Variants in AIG1 observed in about 807,000 individuals in gnomAD.
AIG1 encodes androgen induced 1.
Under a neutral mutation model 31.4 loss-of-function variants are expected in AIG1, and 23 were observed. The observed-to-expected ratio is 0.73, with a 90% confidence interval of 0.53 to 1.04. The LOEUF (loss-of-function observed/expected upper bound fraction) is 1.04, where lower values mean the gene tolerates loss of function less well. Among genes scored for constraint, AIG1 ranks in the 50% least tolerant of loss-of-function variants. The pLI is 0.00. For missense variants in AIG1, 274 were observed against 295.0 expected, an observed-to-expected ratio of 0.93 and a Z score of 0.52; for synonymous variants, 100 against 110.5, an observed-to-expected ratio of 0.90 and a Z score of 0.60.
intron 1 of AIG1, among the ~76,000 whole-genome samples, chr6:143,109,148 C>T (rs776926587): frequency 2.6e-5 from 4 of 151,938 alleles, no homozygotes; most frequent in African/African-American, 4.8e-5. Flanking sequence ...CTTCAGTGTG[C>T]GTCTGTGAGG....
At chr6:143,169,653 A>T (rs1302984134) in intron 3 of AIG1, among the ~76,000 whole-genome samples, 1 of 151,968 alleles carries the variant, frequency 6.6e-6, no homozygotes, top group Non-Finnish European at 1.5e-5. Context: ...CACTACTTCT[A>T]TGAGCTCATC....
intron 3 of AIG1, among the ~76,000 whole-genome samples, chr6:143,215,741 A>G (rs1038844117): frequency 1.3e-5 from 2 of 152,168 alleles, no homozygotes. Flanking sequence ...TGGTTCTCTG[A>G]TGGCACTATT....
chr6:143,208,675 A>G, intron 3 of AIG1, among the ~76,000 whole-genome samples: 1 of 152,168 alleles, frequency 6.6e-6, no homozygotes, highest in East Asian at 1.9e-4. Flanking sequence ...AACTTACCAT[A>G]TTCATACTGC....
chr6:143,097,030 C>T (rs911108720), intron 1 of AIG1, among the ~76,000 whole-genome samples: 15 of 151,934 alleles, frequency 9.9e-5, no homozygotes, highest in Admixed American at 7.2e-4. Flanking sequence ...ATCTGGTTAC[C>T]ACAGAAAACC....
chr6:143,076,923 A>G (rs1166684589), intron 1 of AIG1, among the ~76,000 whole-genome samples: 1 of 152,136 alleles, frequency 6.6e-6, no homozygotes, highest in Non-Finnish European at 1.5e-5. Flanking sequence ...CACCTGCCTC[A>G]GCCTCCCAAA....
intron 3 of AIG1, among the ~76,000 whole-genome samples, chr6:143,237,425 C>T (rs1049104706): frequency 1.2e-4 from 19 of 152,234 alleles, no homozygotes; most frequent in African/African-American, 3.4e-4. Context: ...AAGGAACATA[C>T]GGTATGCAGG....
chr6:143,087,672 G>A (rs1295836589), intron 1 of AIG1, among the ~76,000 whole-genome samples: 1 of 152,194 alleles, frequency 6.6e-6, no homozygotes, highest in Admixed American at 6.5e-5. Flanking sequence ...TGAAAACAGA[G>A]CTCCCATACA....
At chr6:143,167,196 A>G (rs914034748) in intron 3 of AIG1, among the ~76,000 whole-genome samples, 2 of 152,224 alleles carry the variant, frequency 1.3e-5, no homozygotes, top group African/African-American at 4.8e-5. Context: ...CACTTCAAAC[A>G]TTACACCAAA....
intron 3 of AIG1, among the ~76,000 whole-genome samples, chr6:143,186,322 T>C (rs1173862319): frequency 6.6e-6 from 1 of 152,250 alleles, no homozygotes; most frequent in East Asian, 1.9e-4. Context: ...AGGATGTTTT[T>C]CTCCTATTGT....
At chr6:143,249,244 G>A (rs373236772) in intron 3 of AIG1, among the ~76,000 whole-genome samples, 1 of 152,224 alleles carries the variant, frequency 6.6e-6, no homozygotes, top group Non-Finnish European at 1.5e-5. Context: ...GGGACAAAAG[G>A]TTGGTTTGAA....
chr6:143,174,378 T>C (rs1047439507), intron 3 of AIG1, among the ~76,000 whole-genome samples: 2 of 151,080 alleles, frequency 1.3e-5, no homozygotes, highest in African/African-American at 4.9e-5. Context: ...TCCCGGCTAC[T>C]TGGGAGGCTG....
chr6:143,059,682 G>A, upstream of AIG1, among the ~76,000 whole-genome samples: 1 of 152,204 alleles, frequency 6.6e-6, no homozygotes, highest in Non-Finnish European at 1.5e-5. Context: ...AAACATCCAT[G>A]GCTTGCTTGC....
chr6:143,336,763 G>A (rs952849881), intron 5 of AIG1, among the ~76,000 whole-genome samples: 9 of 152,116 alleles, frequency 5.9e-5, no homozygotes, highest in East Asian at 1.9e-4. Context: ...ATAAAATTGG[G>A]TATGCGTGAC....
chr6:143,132,533 A>T (rs985636530), intron 1 of AIG1, among the ~76,000 whole-genome samples: 1 of 152,036 alleles, frequency 6.6e-6, no homozygotes, highest in Admixed American at 6.5e-5. Flanking sequence ...ATGAAATTTG[A>T]TTACACTGGG....
At chr6:143,098,822 C>T (rs1780013413) in intron 1 of AIG1, among the ~76,000 whole-genome samples, 1 of 152,122 alleles carries the variant, frequency 6.6e-6, no homozygotes, top group Non-Finnish European at 1.5e-5. Context: ...ATCTTCTGTG[C>T]ATTTTTTTCC....
chr6:143,226,649 G>A (rs1229075232), intron 3 of AIG1, among the ~76,000 whole-genome samples: 2 of 152,086 alleles, frequency 1.3e-5, no homozygotes, highest in Admixed American at 1.3e-4. Context: ...TCATCTCAGT[G>A]TGTGTTTTTG....
At chr6:143,081,406 C>G (rs1778243878) in intron 1 of AIG1, among the ~76,000 whole-genome samples, 1 of 151,840 alleles carries the variant, frequency 6.6e-6, no homozygotes, top group Non-Finnish European at 1.5e-5. Context: ...ACCTCTTGGG[C>G]CTTTTCTGTC....
intron 1 of AIG1, among the ~76,000 whole-genome samples, chr6:143,102,701 C>T (rs1048470107): frequency 6.6e-6 from 1 of 151,308 alleles, no homozygotes; most frequent in African/African-American, 2.4e-5. Context: ...TTTTTCATCC[C>T]CTCTCTACTC....
intron 2 of AIG1, among the ~76,000 whole-genome samples, chr6:143,144,824 A>T (rs890177011): frequency 5.3e-5 from 8 of 152,176 alleles, no homozygotes; most frequent in Non-Finnish European, 1.0e-4. Context: ...TCTCTGACTT[A>T]GTTCAGACTC....
Sources: allele counts gnomAD v4.1 joint callset (sites outside exome capture counted in the v4.1 genomes callset), GRCh38; gene constraint gnomAD v4.1.1; transcripts MANE v1.5; gene names NCBI Gene and HGNC (gene_info 2026-07-23, HGNC 2026-07-21).